Variants in CEP164 observed in about 807,000 individuals in gnomAD.
CEP164 encodes centrosomal protein 164.
CEP164 carries 162 observed loss-of-function variants against 182.7 expected under a neutral mutation model. The ratio of observed to expected loss-of-function variants is 0.89; its 90% CI spans 0.78 to 1.01. CEP164 has a LOEUF of 1.01. CEP164 is among the 50% of genes least tolerant of loss of function. The pLI is 0.00. For missense variants in CEP164, 1,735 were observed against 1,790.4 expected, an observed-to-expected ratio of 0.97 and a Z score of 0.56; for synonymous variants, 661 against 690.0, an observed-to-expected ratio of 0.96 and a Z score of 0.66.
chr11:117,326,705 T>G (rs750010806), upstream of CEP164, among the ~76,000 whole-genome samples: 1 of 152,262 alleles, frequency 6.6e-6, no homozygotes, highest in Non-Finnish European at 1.5e-5. Flanking sequence ...ATGCTCTGTA[T>G]ATTCCAACAA....
chr11:117,396,219 G>C (rs1381546042), intron 25 of CEP164, 39 bp downstream of exon 25: 4 of 1,588,100 alleles, frequency 2.5e-6, no homozygotes, highest in Non-Finnish European at 3.4e-6. Flanking sequence ...GGGGCACCAG[G>C]ATGGTGTGGG....
intron 8 of CEP164, among the ~76,000 whole-genome samples, chr11:117,365,724 C>T (rs899730592): frequency 3.3e-5 from 5 of 151,992 alleles, no homozygotes; most frequent in Non-Finnish European, 4.4e-5. Context: ...GGATTACAGG[C>T]GCCCGCCACC....
At chr11:117,383,321 C>T (rs2043553696) in intron 14 of CEP164, among the ~76,000 whole-genome samples, 1 of 152,170 alleles carries the variant, frequency 6.6e-6, no homozygotes, top group South Asian at 2.1e-4. Context: ...CTAAAGTGTA[C>T]AGTTCAGTGA....
chr11:117,409,339 A>G lies in CEP164; in HGVS notation c.3749-279A>G, dbSNP rs1246665040. The G allele has an allele frequency of 5.2e-6, 3 of 572,210 alleles. No individual in the cohort carries two copies. Among genetic ancestry groups the G allele is most frequent in the Non-Finnish European group, 3.1e-6 (1 of 323,406 alleles). The allele number at this position is 572,210 out of a possible 1,614,324, so 35.4% of individuals were successfully genotyped here. A position where few individuals can be genotyped will look rare whatever the true frequency, so the allele number is the denominator to read the frequency against. On this transcript the variant is annotated intron_variant, in intron 29 of 32. Transcript: ENST00000278935. The surrounding 1 kb of genome is among the most constrained non-coding windows in gnomAD (Gnocchi z 4.4). ...TTCTCTCTCAGCTGCCCTGGCCTGTATGTGACAGAAGGGCCCTCTCCCCTT... is the reference window on the plus strand; with the variant it reads ...TTCTCTCTCAGCTGCCCTGGCCTGTGTGTGACAGAAGGGCCCTCTCCCCTT...
chr11:117,342,400 T>A (rs1171917034), intron 3 of CEP164, among the ~76,000 whole-genome samples: 2 of 152,222 alleles, frequency 1.3e-5, no homozygotes, highest in Non-Finnish European at 2.9e-5. Context: ...GTCATTTGAA[T>A]ATTTATTTAA....
chr11:117,386,336 A>G (rs1348505541), intron 14 of CEP164: 1 of 152,260 alleles, frequency 6.6e-6, no homozygotes, highest in East Asian at 1.9e-4. Context: ...TCCTGCTCAG[A>G]ATGTTCTCAG....
chr11:117,384,732 AG>A (rs59070624), intron 14 of CEP164: 1 of 152,386 alleles, frequency 6.6e-6, no homozygotes, highest in African/African-American at 2.4e-5. Context: ...GAGTCTCTTC[AG>A]GCCCCATCGC....
At chr11:117,327,220 G>GT (rs961602497), upstream of CEP164, among the ~76,000 whole-genome samples, 4 of 152,110 alleles carry the variant, frequency 2.6e-5, no homozygotes, top group African/African-American at 7.2e-5. Context: ...AGGAGAGCCA[G>GT]TTTTTTTGCG....
intron 28 of CEP164, chr11:117,408,491 G>A (rs751341313): frequency 7.3e-6 from 2 of 272,994 alleles, no homozygotes; most frequent in Non-Finnish European, 7.1e-6. Context: ...GTGGGGGTCT[G>A]TGTGGACCTG....
At chr11:117,387,469 AG>A in intron 15 of CEP164, 57 bp downstream of exon 15, 1 of 1,555,294 alleles carries the variant, frequency 6.4e-7, no homozygotes, top group Non-Finnish European at 8.8e-7. Context: ...GTGAGGAGCC[AG>A]GGACACCCTC....
Position 117,397,123 on chromosome 11 carries a change from C to G in CEP164, c.3311C>G (p.Ser1104Cys), listed in dbSNP as rs1287112556. The change falls in exon 27 of 33, where the codon TCT (serine) becomes TGT (cysteine). Residue 1104 changes from serine (S) to cysteine (C), a missense_variant. Coordinates refer to ENST00000278935, the MANE Select transcript of CEP164 (RefSeq NM_014956.5). The part of the protein sequence containing the change: ...LSSHNVWHLL[S>C]AEGVALRSAK... The stretch of plus-strand genomic sequence containing the variant: ...TCCCACAATGTCTGGCACCTCCTCT[C>G]TGCTGAGGGGGTAGCCCTCCGTAGT... 1 of 1,614,188 alleles carries G rather than the reference C, an allele frequency of 6.2e-7. No homozygotes were observed. Among genetic ancestry groups the G allele is most frequent in the Non-Finnish European group, 8.5e-7 (1 of 1,180,010 alleles).
chr11:117,334,247 T>G (rs927688937), intron 1 of CEP164, among the ~76,000 whole-genome samples: 1 of 152,224 alleles, frequency 6.6e-6, no homozygotes, highest in Admixed American at 6.5e-5. Context: ...TAGATGATCT[T>G]TAGTAGCCAT....
intron 9 of CEP164, among the ~76,000 whole-genome samples, chr11:117,373,271 G>T (rs1039180324): frequency 2.6e-5 from 4 of 152,188 alleles, no homozygotes; most frequent in Non-Finnish European, 4.4e-5. Flanking sequence ...GGAGGCTGAG[G>T]CAGGAGAATT....
chr11:117,324,840 A>G (rs2035372121), upstream of CEP164, among the ~76,000 whole-genome samples: 1 of 152,206 alleles, frequency 6.6e-6, no homozygotes, highest in African/African-American at 2.4e-5. Context: ...TGTCTCTACT[A>G]AAAATACAAA....
In CEP164 at chr11:117,394,443, C is replaced by T; in HGVS notation, c.2710C>T (p.Gln904Ter). 6.2e-7 allele frequency: 1 copy of T among 1,614,130 alleles called. No individual in the cohort carries two copies. The highest frequency in any genetic ancestry group is 8.5e-7 in the Non-Finnish European group (1 of 1,180,020). ...TGAACGAGAACTGGAGACTGTGAGG[C>T]AGGAGCAACACAAGCGTCTTGAGGA... Reference protein sequence around the residue: ...AHERELETVRQEQHKRLEDLR... With the variant: ...AHERELETVR The change falls in exon 21 of 33, where the codon CAG (glutamine) becomes TAG (stop). Residue 904 changes from glutamine to a stop codon, truncating the protein, a stop_gained. Transcript: ENST00000278935. LOFTEE classifies it high-confidence loss of function. This position sits in a 1 kb window ranked among gnomAD's most constrained non-coding sequence, Gnocchi z 4.0.
intron 27 of CEP164, among the ~76,000 whole-genome samples, chr11:117,406,838 G>T (rs2046740250): frequency 6.6e-6 from 1 of 152,200 alleles, no homozygotes. Context: ...GTTCATGCCT[G>T]TAATGCCAGC....
At chr11:117,329,683 A>T (rs2134629422) in intron 1 of CEP164, among the ~76,000 whole-genome samples, 1 of 152,158 alleles carries the variant, frequency 6.6e-6, no homozygotes, top group Admixed American at 6.5e-5. Context: ...CTGGGACTAC[A>T]GGTGGGCACC....
rs494553 is a variant in CEP164 at position 117,391,137 on chromosome 11, C to T, written c.2205C>T (p.Ser735=). ...LKEEIEASEK[S]EQAALNAAKE... ...AAGAGATAGAGGCTTCGGAGAAGAG[C>T]GAGCAGGCTGCCCTGAATGCTGCAA... Residue 735 remains serine (S), a synonymous_variant, in exon 17 of 33, where the codon AGC becomes AGT. Coordinates refer to ENST00000278935, the MANE Select transcript of CEP164 (RefSeq NM_014956.5). The T allele has an allele frequency of 0.048, 77,222 of 1,613,770 alleles. 2,115 individuals carry two copies. The highest frequency in any genetic ancestry group is 0.056 in the Non-Finnish European group (66,062 of 1,179,942).
intron 14 of CEP164, chr11:117,386,499 T>A (rs144784328): frequency 2.2e-4 from 34 of 152,390 alleles, no homozygotes; most frequent in African/African-American, 8.2e-4. Flanking sequence ...TTTATTCATT[T>A]CTAAACATTT....
Sources: gnomAD v4.1 joint callset for allele counts (sites outside exome capture counted in the v4.1 genomes callset) on GRCh38, gnomAD v4.1.1 for gene constraint, Gnocchi (gnomAD v3.1) non-coding constraint, MANE v1.5 for transcripts, NCBI Gene and HGNC (gene_info 2026-07-23, HGNC 2026-07-21) for gene names.